The following TBL1XR1 variants were observed in gnomAD, a reference collection of about 807,000 sequenced individuals.
The protein encoded by TBL1XR1 is TBL1X/Y related 1, also known as F-box-like/WD repeat-containing protein TBL1XR1.
Under a neutral mutation model 66.9 loss-of-function variants are expected in TBL1XR1, and 5 were observed. The observed-to-expected ratio is 0.07, with a 90% CI of 0.04 to 0.16. TBL1XR1 has a LOEUF of 0.16. TBL1XR1 is among the 10% of genes least tolerant of loss of function. The pLI, the probability that TBL1XR1 is intolerant of heterozygous loss-of-function variation, is 1.00. For synonymous variants in TBL1XR1, 210 were observed against 206.0 expected (o/e 1.02, Z -0.17); for missense variants, 238 against 623.2 (o/e 0.38, Z 6.58).
intron 1 of TBL1XR1, among the ~76,000 whole-genome samples, chr3:177,155,288 A>C (rs1414672429): frequency 6.6e-6 from 1 of 152,202 alleles, no homozygotes; most frequent in African/African-American, 2.4e-5. Flanking sequence ...GAACAAATCA[A>C]TAAAACTGAT....
At chr3:177,135,334 T>TGTGTATAC (rs1394071556) in intron 1 of TBL1XR1, among the ~76,000 whole-genome samples, 1 of 49,940 alleles carries the variant, frequency 2.0e-5, no homozygotes, top group Non-Finnish European at 4.0e-5. Context: ...TGTGTGTGTG[T>TGTGTATAC]ATACATATAT....
intron 2 of TBL1XR1, among the ~76,000 whole-genome samples, chr3:177,080,689 T>G (rs971676876): frequency 9.2e-5 from 14 of 152,108 alleles, no homozygotes; most frequent in African/African-American, 3.4e-4. Context: ...ATGTTTAAGT[T>G]TTCTATACTG....
At chr3:177,165,020 GCCTT>G (rs746883884) in intron 1 of TBL1XR1, among the ~76,000 whole-genome samples, 2 of 151,942 alleles carry the variant, frequency 1.3e-5, no homozygotes, top group African/African-American at 2.4e-5. Context: ...TAACCTTAAT[GCCTT>G]CCTTCTTTCT....
chr3:177,077,214 C>T (rs1464896407), intron 2 of TBL1XR1, among the ~76,000 whole-genome samples: 1 of 152,114 alleles, frequency 6.6e-6, no homozygotes, highest in African/African-American at 2.4e-5. Context: ...AATCTAAGAA[C>T]TAAAAAGAAC....
chr3:177,131,488 A>G, intron 1 of TBL1XR1: 1 of 741,678 alleles, frequency 1.3e-6, no homozygotes, highest in Admixed American at 6.4e-5. Context: ...AAATTAAAAA[A>G]ACACATTGTC....
chr3:177,066,355 A>G (rs1488429617), intron 2 of TBL1XR1, among the ~76,000 whole-genome samples: 1 of 152,142 alleles, frequency 6.6e-6, no homozygotes, highest in Non-Finnish European at 1.5e-5. Flanking sequence ...GCAGTCTAGG[A>G]ACACATTTAG....
intron 2 of TBL1XR1, among the ~76,000 whole-genome samples, chr3:177,069,793 A>AAAGGAAGTAAGG: frequency 1.1e-5 from 1 of 92,418 alleles, no homozygotes; most frequent in African/African-American, 4.5e-5. Flanking sequence ...AAAAGGAAGG[A>AAAGGAAGTAAGG]AAGGAAGGAA....
intron 1 of TBL1XR1, among the ~76,000 whole-genome samples, chr3:177,141,281 G>A (rs1432332506): frequency 6.6e-6 from 1 of 152,160 alleles, no homozygotes; most frequent in Non-Finnish European, 1.5e-5. Flanking sequence ...CTGCATGCAT[G>A]CATTACTTTT....
intron 14 of TBL1XR1, chr3:177,027,957 C>T (rs1713392777): frequency 6.6e-6 from 1 of 152,158 alleles, no homozygotes; most frequent in Admixed American, 6.5e-5. Flanking sequence ...AACCTACAGA[C>T]ATTCAATCTA....
At chr3:177,059,704 T>C (rs563357767) in intron 3 of TBL1XR1, among the ~76,000 whole-genome samples, 230 of 152,236 alleles carry the variant, frequency 1.5e-3, no homozygotes, top group African/African-American at 5.4e-3. Flanking sequence ...ATCATCCTGG[T>C]TAATATTGTC....
intron 9 of TBL1XR1, among the ~76,000 whole-genome samples, chr3:177,046,737 T>A (rs1426037596): frequency 6.6e-6 from 1 of 151,856 alleles, no homozygotes; most frequent in East Asian, 1.9e-4. Flanking sequence ...TATTGCTCTC[T>A]GAATTTTATA....
At chr3:177,124,190 T>TA (rs58426821) in intron 1 of TBL1XR1, among the ~76,000 whole-genome samples, 94,636 of 151,720 alleles carry the variant, frequency 0.62, 29,730 homozygotes, top group Middle Eastern at 0.71. Flanking sequence ...TGCAAGACAA[T>TA]ACCTCCTGTT....
chr3:177,149,344 T>C (rs996333266), intron 1 of TBL1XR1, among the ~76,000 whole-genome samples: 1 of 152,116 alleles, frequency 6.6e-6, no homozygotes, highest in Non-Finnish European at 1.5e-5. Flanking sequence ...TCTCTAGCAC[T>C]CCCCCAATGA....
At chr3:177,096,164 G>C (rs1427806097) in intron 2 of TBL1XR1, among the ~76,000 whole-genome samples, 2 of 152,062 alleles carry the variant, frequency 1.3e-5, no homozygotes, top group African/African-American at 4.8e-5. Context: ...GATTATTATT[G>C]CATTTCTGAG....
At chr3:177,126,529 A>C (rs1375673329) in intron 1 of TBL1XR1, among the ~76,000 whole-genome samples, 3 of 152,196 alleles carry the variant, frequency 2.0e-5, no homozygotes, top group Non-Finnish European at 4.4e-5. Context: ...CAAGTCCTAC[A>C]TCCATGAAGC....
intron 1 of TBL1XR1, among the ~76,000 whole-genome samples, chr3:177,161,928 T>C (rs979468369): frequency 6.6e-6 from 1 of 152,056 alleles, no homozygotes; most frequent in Non-Finnish European, 1.5e-5. Flanking sequence ...CCCACTCAAA[T>C]AGCTGAAACT....
At chr3:177,133,394 T>C (rs79918058) in intron 1 of TBL1XR1, among the ~76,000 whole-genome samples, 9,331 of 152,296 alleles carry the variant, frequency 0.061, 377 homozygotes, top group South Asian at 0.16. Context: ...TTTCAAGATA[T>C]ACATCCTGAG....
upstream of TBL1XR1, among the ~76,000 whole-genome samples, chr3:177,197,649 C>CGCGGGGGAGGGGCCG (rs1353077872): frequency 2.3e-4 from 19 of 82,642 alleles, no homozygotes; most frequent in South Asian, 2.1e-3. Context: ...CGGGCGGGCG[C>CGCGGGGGAGGGGCCG]GCGGGGGAGG....
chr3:177,038,525 A>AG, intron 10 of TBL1XR1, 91 bp from the exon 11 acceptor site: 6 of 1,251,070 alleles, frequency 4.8e-6, no homozygotes, highest in Non-Finnish European at 6.3e-6. Flanking sequence ...CTAATAAAAT[A>AG]TACTAACAGG....
Sources: gnomAD v4.1 joint callset for allele counts (sites outside exome capture counted in the v4.1 genomes callset) on GRCh38, gnomAD v4.1.1 for gene constraint, MANE v1.5 for transcripts, NCBI Gene and HGNC (gene_info 2026-07-23, HGNC 2026-07-21) for gene names.